POFUT2: variants seen among roughly 807,000 people sequenced by gnomAD.
POFUT2 encodes the protein protein O-fucosyltransferase 2.
POFUT2 carries 30 observed loss-of-function variants against 55.0 expected under a neutral mutation model. The ratio of observed to expected loss-of-function variants is 0.55; its 90% CI spans 0.41 to 0.74. POFUT2 has a LOEUF of 0.74. Among genes scored for constraint, POFUT2 ranks in the 30% least tolerant of loss-of-function variants. The probability of loss-of-function intolerance (pLI) is 0.00; values close to 1 mark genes in which losing one functional copy is unlikely to be tolerated. For missense variants in POFUT2, 524 were observed against 562.6 expected (o/e 0.93, Z 0.69); for synonymous variants, 267 against 231.1 (o/e 1.16, Z -1.41).
In POFUT2 at chr21:45,282,872, C is replaced by T; in HGVS notation, c.528-413G>A. On this transcript the variant is annotated intron_variant, in intron 3 of 8. Transcript: ENST00000349485. This position sits in a 1 kb window ranked among gnomAD's most constrained non-coding sequence, Gnocchi z 4.6. ...AGGCTGTTAACTGACAGCTTTTCCA[C>T]AGGAGGCCTGGTAGTGTCAGAGCCT... The T allele has an allele frequency of 2.1e-6, 1 of 477,802 alleles. No individual in the cohort carries two copies. Among genetic ancestry groups the T allele is most frequent in the South Asian group, 1.5e-5 (1 of 64,630 alleles). 29.6% of individuals were successfully genotyped at this position (477,802 alleles called of 1,614,324 possible).
Position 45,277,483 on chromosome 21 carries a change from G to C in POFUT2, c.706-341C>G. ...CAGTCTCTCCCCAACTCGACTTCTA[G>C]CTTAGGCGGTTAGCACATCCTGCTT... On this transcript the variant is annotated intron_variant, in intron 5 of 8. Transcript: ENST00000349485. This position sits in a 1 kb window ranked among gnomAD's most constrained non-coding sequence, Gnocchi z 6.9. The C allele has an allele frequency of 3.0e-6, 1 of 329,584 alleles. No individual in the cohort carries two copies. The highest frequency in any genetic ancestry group is 5.8e-6 in the Non-Finnish European group (1 of 173,242). 20.4% of individuals were successfully genotyped at this position (329,584 alleles called of 1,614,324 possible).
Position 45,282,776 on chromosome 21 carries a change from G to C in POFUT2, c.528-317C>G. 1.9e-6 allele frequency: 1 copy of C among 514,436 alleles called. No homozygotes were observed. The highest frequency in any genetic ancestry group is 1.5e-5 in the South Asian group (1 of 64,766). The allele number at this position is 514,436 out of a possible 1,614,324, so 31.9% of individuals were successfully genotyped here. A position where few individuals can be genotyped will look rare whatever the true frequency, so the allele number is the denominator to read the frequency against. On this transcript the variant is annotated intron_variant, in intron 3 of 8. Coordinates refer to ENST00000349485, the MANE Select transcript of POFUT2 (RefSeq NM_133635.6). This position sits in a 1 kb window ranked among gnomAD's most constrained non-coding sequence, Gnocchi z 4.6. ...CAGCCTGGCTGTGACCGTCAGCCAAGTCAACCGCGCCCTTCCCAAGAGCTC... is the reference window on the plus strand; with the variant it reads ...CAGCCTGGCTGTGACCGTCAGCCAACTCAACCGCGCCCTTCCCAAGAGCTC...
At chr21:45,266,294 GAGCCACAGGGCCAGCA>G in intron 8 of POFUT2, 1 of 1,366,386 alleles carries the variant, frequency 7.3e-7, no homozygotes, top group Non-Finnish European at 9.8e-7. Flanking sequence ...GCTGTACACA[GAGCCACAGGGCCAGCA>G]GGCCACACAG....
chr21:45,273,267 C>T (rs943593384), intron 6 of POFUT2, among the ~76,000 whole-genome samples: 7 of 152,018 alleles, frequency 4.6e-5, no homozygotes, highest in South Asian at 2.1e-4. Flanking sequence ...CACTTTTATG[C>T]GCACAAACTG....
At chr21:45,275,959 C>T (rs1037879924) in intron 6 of POFUT2, among the ~76,000 whole-genome samples, 8 of 152,210 alleles carry the variant, frequency 5.3e-5, no homozygotes, top group Non-Finnish European at 1.0e-4. Context: ...GAGGCCAAGG[C>T]GGGTGGATTA....
In POFUT2 at chr21:45,275,647, G is replaced by A. The variant is rs187851782; in HGVS notation, c.831+1370C>T. 3.7e-3 allele frequency among the ~76,000 whole-genome samples: 569 copies of A among 152,326 alleles called. 6 individuals are homozygous for A. Among genetic ancestry groups the A allele is most frequent in the African/African-American group, 0.013 (532 of 41,558 alleles). ...CATTATTCTAAGTGAAGTAACTCAG[G>A]AATGGAAAACCAAATATTGTATGTT... On this transcript the variant is annotated intron_variant, in intron 6 of 8. Coordinates refer to ENST00000349485, the MANE Select transcript of POFUT2 (RefSeq NM_133635.6).
rs565253939 is a variant in POFUT2, at chr21:45,277,611, C to T, written c.706-469G>A. On this transcript the variant is annotated intron_variant, in intron 5 of 8. Transcript: ENST00000349485. The surrounding 1 kb of genome is among the most constrained non-coding windows in gnomAD (Gnocchi z 6.9). ...TTACAAGCTGCTGCCCTGGTGAACA[C>T]GTCAGCAGGCCTGCTGTGTCCACGG... is the stretch of plus-strand genomic sequence containing the variant. The T allele has an allele frequency of 5.0e-5, 11 of 218,790 alleles. No individual in the cohort carries two copies. The highest frequency in any genetic ancestry group is 1.5e-4 in the South Asian group (2 of 13,716). The allele number at this position is 218,790 out of a possible 1,614,324, so 13.6% of individuals were successfully genotyped here. A position where few individuals can be genotyped will look rare whatever the true frequency, so the allele number is the denominator to read the frequency against.
rs73910608 is a variant in POFUT2, at chr21:45,283,495, C to T, written c.415G>A (p.Val139Ile). The change falls in exon 3 of 9, where the codon GTC becomes ATC. Residue 139 changes from valine to isoleucine, a missense_variant. By Grantham distance (29) the Val-to-Ile change is conservative. Around this residue, in one of 2 missense-constraint regions of POFUT2, gnomAD observed 274 missense variants for 244.4 expected, o/e 1.12. Coordinates refer to ENST00000349485, the MANE Select transcript of POFUT2 (RefSeq NM_133635.6). ...CACCCCTCTGCGTAACTTTGCAGGACGTAAACCTGGTCAATAAAGGGCCCA... is the reference window on the plus strand; with the variant it reads ...CACCCCTCTGCGTAACTTTGCAGGATGTAAACCTGGTCAATAAAGGGCCCA... The part of the protein sequence containing the change: ...SGGPFIDQVY[V>I]LQSYAEGWKE... 6,979 of 1,613,858 alleles carry T rather than the reference C, an allele frequency of 4.3e-3. 113 individuals carry two copies. The African/African-American group carries it at 0.052, about 12-fold the overall frequency.
At chr21:45,275,742 G>A (rs2093257182) in intron 6 of POFUT2, among the ~76,000 whole-genome samples, 1 of 152,226 alleles carries the variant, frequency 6.6e-6, no homozygotes, top group Admixed American at 6.5e-5. Flanking sequence ...GACTCGAGGG[G>A]AAGAGTGGAG....
At chr21:45,279,073 G>A (rs76610647) in intron 4 of POFUT2, among the ~76,000 whole-genome samples, 205 of 152,268 alleles carry the variant, frequency 1.3e-3, no homozygotes, top group African/African-American at 4.8e-3. Flanking sequence ...ATACAAAAAC[G>A]CAGAAATTTT....
At position 45,285,571 on chromosome 21, in the gene POFUT2, T is replaced by A. The variant is rs1246759878; in HGVS notation, c.382+107A>T. ...AGCAGCACTGGGCACTGGAGGATGC[T>A]GGTGAGGCTGGATGCAATCGTAAGC... On this transcript the variant is annotated intron_variant, in intron 2 of 8. Coordinates refer to ENST00000349485, the MANE Select transcript of POFUT2 (RefSeq NM_133635.6). The surrounding 1 kb of genome is among the most constrained non-coding windows in gnomAD (Gnocchi z 4.9). 1 of 1,374,530 alleles carries A rather than the reference T, an allele frequency of 7.3e-7. No homozygotes were observed. Among genetic ancestry groups the A allele is most frequent in the East Asian group, 2.3e-5 (1 of 42,892 alleles). 85.1% of individuals were successfully genotyped at this position (1,374,530 alleles called of 1,614,324 possible). A position where few individuals can be genotyped will look rare whatever the true frequency, so the allele number is the denominator to read the frequency against.
rs756770316 is a variant in POFUT2, at chr21:45,265,460, G to A, written c.*22C>T. ...TCCACCCGCGCCTGTCGGGTCCGGG[G>A]AGCGGCCCTGGAGGATCCTCCTCAG... On this transcript the variant is annotated 3_prime_UTR_variant, in exon 9 of 9. Coordinates refer to ENST00000349485, the MANE Select transcript of POFUT2 (RefSeq NM_133635.6). The surrounding 1 kb of genome is among the most constrained non-coding windows in gnomAD (Gnocchi z 4.6). The A allele has an allele frequency of 1.9e-6, 3 of 1,591,768 alleles. No homozygotes were observed. The highest frequency in any genetic ancestry group is 2.6e-6 in the Non-Finnish European group (3 of 1,169,456).
At chr21:45,279,120 A>C (rs936448796) in intron 4 of POFUT2, among the ~76,000 whole-genome samples, 1 of 152,258 alleles carries the variant, frequency 6.6e-6, no homozygotes, top group Admixed American at 6.5e-5. Flanking sequence ...GGCCAGGCGC[A>C]GTGGCTCACG....
chr21:45,284,354 C>A lies in POFUT2; in HGVS notation c.383-827G>T, dbSNP rs1008043549. On this transcript the variant is annotated intron_variant, in intron 2 of 8. Transcript: ENST00000349485. This position sits in a 1 kb window ranked among gnomAD's most constrained non-coding sequence, Gnocchi z 5.8. ...GGGCCTGAGGCCACAGCTGCGGGGGCTTCTTTTAGGCTAGTGGGAGGTGGT... is the reference window on the plus strand; with the variant it reads ...GGGCCTGAGGCCACAGCTGCGGGGGATTCTTTTAGGCTAGTGGGAGGTGGT... Among the ~76,000 whole-genome samples, 20 of 152,172 alleles carry A rather than the reference C, an allele frequency of 1.3e-4. No individual in the cohort carries two copies. Among genetic ancestry groups the A allele is most frequent in the Non-Finnish European group, 8.8e-5 (6 of 68,024 alleles).
At chr21:45,287,097 C>T (rs928829399) in intron 1 of POFUT2, among the ~76,000 whole-genome samples, 25 of 151,802 alleles carry the variant, frequency 1.6e-4, no homozygotes, top group African/African-American at 5.6e-4. Context: ...CCTGCAGACC[C>T]GGGCCGCAGT....
rs2093141296 is a variant in POFUT2 at position 45,265,041 on chromosome 21, T to C, written c.*441A>G. On this transcript the variant is annotated 3_prime_UTR_variant, in exon 9 of 9. Transcript: ENST00000349485. The surrounding 1 kb of genome is among the most constrained non-coding windows in gnomAD (Gnocchi z 4.6). ...CAGACATTTAAAATGACGCTTCTCC[T>C]TGCACCAGCTCCCAGGGAAATGTCA... is the stretch of plus-strand genomic sequence containing the variant. 6.4e-6 allele frequency: 1 copy of C among 155,772 alleles called. No homozygotes were observed. Among genetic ancestry groups the C allele is most frequent in the Admixed American group, 6.4e-5 (1 of 15,528 alleles). The allele number at this position is 155,772 out of a possible 1,614,324, so 9.6% of individuals were successfully genotyped here.
At chr21:45,278,940 T>C (rs1188858707) in intron 4 of POFUT2, among the ~76,000 whole-genome samples, 2 of 152,076 alleles carry the variant, frequency 1.3e-5, no homozygotes, top group Non-Finnish European at 2.9e-5. Flanking sequence ...CCTCTCCTAT[T>C]CCAGCCATTG....
At position 45,287,824 on chromosome 21, in the gene POFUT2, C is replaced by G. The variant is rs1314010087; in HGVS notation, c.48G>C (p.Trp16Cys). Residue 16 changes from tryptophan (W) to cysteine (C), a missense_variant, in exon 1 of 9, where the codon TGG becomes TGC. By Grantham distance (215) the Trp-to-Cys change is radical. Around this residue, in one of 2 missense-constraint regions of POFUT2, gnomAD observed 274 missense variants for 244.4 expected, o/e 1.12. Transcript: ENST00000349485. ...FVFLLLGAVS[W>C]PPASASGQEF... ...CCTGGCCGGAGGCAGAAGCCGGAGG[C>G]CAGGACACTGCCCCCAGCAGCAGGA... 5 of 1,497,618 alleles carry G rather than the reference C, an allele frequency of 3.3e-6. No homozygotes were observed. The African/African-American group carries it at 7.3e-5, about 22-fold the overall frequency. 92.8% of individuals were successfully genotyped at this position (1,497,618 alleles called of 1,614,324 possible).
rs139057503 is a variant in POFUT2 at position 45,267,622 on chromosome 21, C to A, written c.1104G>T (p.Ala368=). Residue 368 remains alanine (A), a synonymous_variant, in exon 8 of 9, where the codon GCG becomes GCT. Transcript: ENST00000349485. The surrounding 1 kb of genome is among the most constrained non-coding windows in gnomAD (Gnocchi z 4.4). ...ELELYKDGGV[A]IIDQWICAHA... ...GTGCGCAGATCCACTGGTCAATAAT[C>A]GCAACGCCTCCGTCCTTGTAGAGCT... 402 of 1,614,218 alleles carry A rather than the reference C, an allele frequency of 2.5e-4. No homozygotes were observed. The Middle Eastern group carries it at 3.0e-3, about 12-fold the overall frequency.
Sources: gnomAD v4.1 joint callset for allele counts (sites outside exome capture counted in the v4.1 genomes callset) on GRCh38, gnomAD v4.1.1 for gene constraint, gnomAD v4.1.1 regional missense constraint, Gnocchi (gnomAD v3.1) non-coding constraint, MANE v1.5 for transcripts, NCBI Gene and HGNC (gene_info 2026-07-23, HGNC 2026-07-21) for gene names.